Variants in GPC5 observed in about 807,000 individuals in gnomAD.
The protein encoded by GPC5 is glypican 5.
In GPC5, 47 loss-of-function variants were observed where a neutral mutation model predicts 53.9. The ratio of observed to expected loss-of-function variants is 0.87; its 90% CI spans 0.69 to 1.11. The LOEUF (loss-of-function observed/expected upper bound fraction) is 1.11. Ranked by LOEUF, GPC5 falls within the 50% of genes most tolerant of loss-of-function variation. The probability of loss-of-function intolerance (pLI) is 0.00; values close to 1 mark genes in which losing one functional copy is unlikely to be tolerated. For missense variants in GPC5, 748 were observed against 713.1 expected (o/e 1.05, Z -0.56); for synonymous variants, 286 against 263.3 (o/e 1.09, Z -0.84).
intron 7 of GPC5, among the ~76,000 whole-genome samples, chr13:92,313,907 C>G (rs1007928838): frequency 1.3e-5 from 2 of 152,172 alleles, no homozygotes; most frequent in African/African-American, 2.4e-5. Flanking sequence ...GGAGATTTTT[C>G]CATATCCAGA....
intron 7 of GPC5, among the ~76,000 whole-genome samples, chr13:92,470,957 C>G (rs1437760996): frequency 6.6e-6 from 1 of 152,046 alleles, no homozygotes; most frequent in South Asian, 2.1e-4. Context: ...TGGAGGGAGA[C>G]AGGTTTGGGA....
chr13:91,913,603 A>G (rs2039631662), intron 6 of GPC5, among the ~76,000 whole-genome samples: 1 of 152,132 alleles, frequency 6.6e-6, no homozygotes, highest in African/African-American at 2.4e-5. Flanking sequence ...TCCTTAAGGA[A>G]TATCTCAGAA....
intron 7 of GPC5, among the ~76,000 whole-genome samples, chr13:92,497,264 T>A (rs1339444894): frequency 1.3e-5 from 2 of 152,156 alleles, no homozygotes; most frequent in Non-Finnish European, 2.9e-5. Context: ...CTTTAATCAA[T>A]CTTGAGTTAA....
chr13:92,294,033 G>A (rs531326505), intron 7 of GPC5, among the ~76,000 whole-genome samples: 1 of 152,064 alleles, frequency 6.6e-6, no homozygotes, highest in Non-Finnish European at 1.5e-5. Context: ...TGCATCCCTG[G>A]TATGAAACCT....
intron 6 of GPC5, among the ~76,000 whole-genome samples, chr13:91,993,892 G>T (rs1344860814): frequency 6.6e-6 from 1 of 152,166 alleles, no homozygotes; most frequent in Non-Finnish European, 1.5e-5. Context: ...ATTATATAAT[G>T]TGACACTTGA....
chr13:91,507,762 G>A (rs966883979), intron 2 of GPC5, among the ~76,000 whole-genome samples: 8 of 152,122 alleles, frequency 5.3e-5, no homozygotes, highest in African/African-American at 1.9e-4. Context: ...ATGAATTTTG[G>A]GGAGATACAA....
At chr13:92,831,065 G>A (rs1450192322) in intron 7 of GPC5, among the ~76,000 whole-genome samples, 2 of 152,198 alleles carry the variant, frequency 1.3e-5, no homozygotes, top group East Asian at 3.9e-4. Flanking sequence ...CCATTCGGCT[G>A]GTGAAAGCTT....
chr13:92,559,633 T>C (rs1216289253), intron 7 of GPC5, among the ~76,000 whole-genome samples: 1 of 151,710 alleles, frequency 6.6e-6, no homozygotes, highest in Non-Finnish European at 1.5e-5. Context: ...GACCACCTTG[T>C]TGCTTAGAGC....
chr13:92,347,924 T>TGTATATA (rs1491168569), intron 7 of GPC5, among the ~76,000 whole-genome samples: 1 of 3,702 alleles, frequency 2.7e-4, no homozygotes, highest in Non-Finnish European at 4.4e-4. Flanking sequence ...TATATATATA[T>TGTATATA]TATATATACA....
chr13:92,392,392 A>G (rs1194295374), intron 7 of GPC5, among the ~76,000 whole-genome samples: 1 of 152,176 alleles, frequency 6.6e-6, no homozygotes, highest in Admixed American at 6.5e-5. Flanking sequence ...ACCGTACACA[A>G]AAATCAACTC....
At position 92,840,041 on chromosome 13, in the gene GPC5, A is replaced by G. The variant is rs2138831970; in HGVS notation, c.1562-26241A>G. Among the ~76,000 whole-genome samples the G allele has an allele frequency of 1.4e-5, 2 of 145,140 alleles. 1 individual carries two copies. The highest frequency in any genetic ancestry group is 4.4e-4 in the South Asian group (2 of 4,548). Reference sequence around the variant, plus strand: ...ATATAGCTTTTTTACTTATATATCCAAGAATGGAGCTTGCTTTTATTCTTC... The same window carrying G: ...ATATAGCTTTTTTACTTATATATCCGAGAATGGAGCTTGCTTTTATTCTTC... On this transcript the variant is annotated intron_variant, in intron 7 of 7. Transcript: ENST00000377067.
intron 1 of GPC5, among the ~76,000 whole-genome samples, chr13:91,445,384 G>A (rs970382748): frequency 8.5e-5 from 13 of 152,184 alleles, no homozygotes; most frequent in African/African-American, 3.1e-4. Context: ...ACAAAGGGGT[G>A]ATCGACACCC....
intron 7 of GPC5, among the ~76,000 whole-genome samples, chr13:92,593,959 A>C (rs1309178640): frequency 1.3e-5 from 2 of 152,176 alleles, no homozygotes; most frequent in Non-Finnish European, 2.9e-5. Flanking sequence ...ATGTAATGGA[A>C]TTTTTTTAAA....
intron 5 of GPC5, among the ~76,000 whole-genome samples, chr13:91,788,238 G>A (rs2037908470): frequency 6.6e-6 from 1 of 152,186 alleles, no homozygotes; most frequent in Non-Finnish European, 1.5e-5. Flanking sequence ...CCTTCTTGCT[G>A]TATCCTAACA....
At chr13:91,956,580 G>GCTA (rs2040075792) in intron 6 of GPC5, among the ~76,000 whole-genome samples, 1 of 152,162 alleles carries the variant, frequency 6.6e-6, no homozygotes, top group East Asian at 1.9e-4. Flanking sequence ...GGAAAGGCAT[G>GCTA]CTAGGCCCAC....
chr13:92,813,205 A>G (rs563181940), intron 7 of GPC5, among the ~76,000 whole-genome samples: 50 of 152,018 alleles, frequency 3.3e-4, no homozygotes, highest in South Asian at 6.2e-4. Context: ...AATGTCAGAA[A>G]CGAGTCTCCT....
intron 6 of GPC5, among the ~76,000 whole-genome samples, chr13:91,910,244 G>A (rs1194092514): frequency 1.3e-5 from 2 of 152,088 alleles, no homozygotes; most frequent in African/African-American, 2.4e-5. Flanking sequence ...TAATGTACAC[G>A]TGCCCTGGCA....
chr13:92,610,739 G>A (rs1884406755), intron 7 of GPC5, among the ~76,000 whole-genome samples: 1 of 152,110 alleles, frequency 6.6e-6, no homozygotes, highest in Non-Finnish European at 1.5e-5. Context: ...TGAAGGGGAA[G>A]CAGGCACTTT....
chr13:92,224,944 AT>A (rs1566492750), intron 7 of GPC5, among the ~76,000 whole-genome samples: 1 of 152,204 alleles, frequency 6.6e-6, no homozygotes, highest in African/African-American at 2.4e-5. Flanking sequence ...ACTGAGTCCT[AT>A]AGTCCTAGCA....
Sources: gnomAD v4.1 joint callset for allele counts (sites outside exome capture counted in the v4.1 genomes callset) on GRCh38, gnomAD v4.1.1 for gene constraint, MANE v1.5 for transcripts, NCBI Gene and HGNC (gene_info 2026-07-23, HGNC 2026-07-21) for gene names.